The following ALG12 variants were observed in gnomAD, a reference collection of about 807,000 sequenced individuals.
ALG12 encodes the protein dol-P-Man:Man(7)GlcNAc(2)-PP-Dol alpha-1,6-mannosyltransferase.
In ALG12, 36 loss-of-function variants were observed where a neutral mutation model predicts 46.0. The ratio of observed to expected loss-of-function variants is 0.78; its 90% confidence interval spans 0.60 to 1.03. ALG12 has a LOEUF of 1.03. ALG12 is among the 50% of genes least tolerant of loss of function. The probability of loss-of-function intolerance (pLI) is 0.00; values close to 1 mark genes in which losing one functional copy is unlikely to be tolerated. For synonymous variants in ALG12, 326 were observed against 291.6 expected (o/e 1.12, Z -1.20); for missense variants, 599 against 633.5 (o/e 0.95, Z 0.58).
In ALG12 at chr22:49,900,526, T is replaced by C. The variant is rs2060499617; in HGVS notation, c.*3312A>G. On this transcript the variant is annotated 3_prime_UTR_variant, in exon 10 of 10. Transcript: ENST00000330817. ...TGGAGAAGCCGACCCAAGGAACTCA[T>C]GAGCACAGTGCTTGACGGCACCCGC... The C allele has an allele frequency of 6.6e-6, 1 of 152,252 alleles. No individual in the cohort carries two copies. The highest frequency in any genetic ancestry group is 2.4e-5 in the African/African-American group (1 of 41,456). 9.4% of individuals were successfully genotyped at this position (152,252 alleles called of 1,614,324 possible).
the ALG12 span, chr22:49,886,923 G>C: frequency 1.1e-5 from 18 of 1,614,002 alleles, no homozygotes; most frequent in Middle Eastern, 1.6e-4. This position sits in a 1 kb window ranked among gnomAD's most constrained non-coding sequence, Gnocchi z 7.7. Flanking sequence ...TGGTGCTTGC[G>C]TATCTGGAGG....
the ALG12 span, chr22:49,889,467 T>G: frequency 6.0e-6 from 1 of 167,080 alleles, no homozygotes; most frequent in African/African-American, 2.4e-5. Context: ...ATGGGGTTTT[T>G]TTTGTTTGTT....
chr22:49,887,243 C>A, the ALG12 span: 2 of 1,510,880 alleles, frequency 1.3e-6, no homozygotes, highest in Non-Finnish European at 1.8e-6. Context: ...TGTACCAGGT[C>A]TATGACCCGC....
chr22:49,884,284 C>T, the ALG12 span: 4 of 1,612,558 alleles, frequency 2.5e-6, no homozygotes, highest in South Asian at 2.2e-5. Context: ...ACCCATCAAA[C>T]TTGTCCAGAA....
At chr22:49,904,745 T>C (rs2147581016) in intron 7 of ALG12, among the ~76,000 whole-genome samples, 1 of 152,248 alleles carries the variant, frequency 6.6e-6, no homozygotes, top group African/African-American at 2.4e-5. Context: ...TTTTAAAATA[T>C]ATATATATTT....
chr22:49,883,639 C>G, the ALG12 span: 73 of 1,511,498 alleles, frequency 4.8e-5, 1 homozygote, highest in South Asian at 1.5e-4. Flanking sequence ...ACCTAAGATA[C>G]AGCCGGAGTA....
At chr22:49,887,352 C>A in the ALG12 span, 1 of 569,568 alleles carries the variant, frequency 1.8e-6, no homozygotes, top group Non-Finnish European at 3.0e-6. Context: ...CTCCTTCAGG[C>A]CAAGTTTCGC....
the ALG12 span, among the ~76,000 whole-genome samples, chr22:49,870,102 T>C: frequency 6.6e-5 from 10 of 152,206 alleles, no homozygotes; most frequent in African/African-American, 1.9e-4. Flanking sequence ...CTGTGTTTGT[T>C]CACTTAGGAT....
chr22:49,869,121 CAAAAA>C, the ALG12 span, among the ~76,000 whole-genome samples: 5 of 93,406 alleles, frequency 5.4e-5, no homozygotes, highest in African/African-American at 1.3e-4. Context: ...AAAACTGTCT[CAAAAA>C]AAAAAAAAAA....
At chr22:49,863,550 C>T in the ALG12 span, among the ~76,000 whole-genome samples, 4 of 151,236 alleles carry the variant, frequency 2.6e-5, no homozygotes, top group Admixed American at 2.6e-4. Flanking sequence ...TTGCTTGAAC[C>T]GGGGAGGCGG....
Position 49,904,684 on chromosome 22 carries a change from G to A in ALG12, c.993-178C>T. 4.5e-6 allele frequency: 3 copies of A among 672,022 alleles called. No individual in the cohort carries two copies. The South Asian group carries it at 5.3e-5, about 12-fold the overall frequency. 41.6% of individuals were successfully genotyped at this position (672,022 alleles called of 1,614,324 possible). ...AAAAGTGGTTAAGATACTGCCTCAA[G>A]AATTGTCTGTGAAATTCTACCCAAG... On this transcript the variant is annotated intron_variant, in intron 7 of 9. Coordinates refer to ENST00000330817, the MANE Select transcript of ALG12 (RefSeq NM_024105.4).
chr22:49,863,287 A>G, the ALG12 span, among the ~76,000 whole-genome samples: 1 of 152,130 alleles, frequency 6.6e-6, no homozygotes, highest in Non-Finnish European at 1.5e-5. Context: ...AGCCTCCCTA[A>G]TAACTGGGAC....
Position 49,909,243 on chromosome 22 carries a change from C to T in ALG12, c.768+1G>A, listed in dbSNP as rs188399257. 11 of 1,613,416 alleles carry T rather than the reference C, an allele frequency of 6.8e-6. No homozygotes were observed. The Admixed American group carries it at 1.8e-4, about 27-fold the overall frequency. On this transcript the variant is annotated splice_donor_variant, in intron 6 of 9. Coordinates refer to ENST00000330817, the MANE Select transcript of ALG12 (RefSeq NM_024105.4). LOFTEE classifies it high-confidence loss of function. ...CCTCCTGCACGGACACTGAAGGATA[C>T]CCCCCAGTTGGAGCTTTTGTTCAGG...
the ALG12 span, among the ~76,000 whole-genome samples, chr22:49,878,866 C>T: frequency 6.6e-6 from 1 of 151,852 alleles, no homozygotes; most frequent in Non-Finnish European, 1.5e-5. Flanking sequence ...GGGAGTGGGC[C>T]AGGCGTGGTG....
chr22:49,871,346 T>A, the ALG12 span, among the ~76,000 whole-genome samples: 2 of 151,912 alleles, frequency 1.3e-5, no homozygotes, highest in African/African-American at 4.8e-5. Flanking sequence ...ATTAGCTGGG[T>A]GTGGTGGCAC....
the ALG12 span, among the ~76,000 whole-genome samples, chr22:49,890,344 T>C: frequency 6.6e-6 from 1 of 152,156 alleles, no homozygotes; most frequent in Non-Finnish European, 1.5e-5. Flanking sequence ...AAACAACATT[T>C]TTATTTCTCA....
intron 1 of ALG12, among the ~76,000 whole-genome samples, chr22:49,914,686 C>G (rs2060599956): frequency 6.6e-6 from 1 of 152,200 alleles, no homozygotes; most frequent in South Asian, 2.1e-4. Flanking sequence ...CCAGAAGGGC[C>G]AGAAGCAAAG....
intron 4 of ALG12, 108 bp from the exon 5 acceptor site, chr22:49,910,196 A>G: frequency 7.4e-7 from 1 of 1,349,582 alleles, no homozygotes; most frequent in Middle Eastern, 2.6e-4. Flanking sequence ...AAAGCCACAC[A>G]AATATCCCAG....
At chr22:49,883,640 A>T in the ALG12 span, 2 of 1,517,654 alleles carry the variant, frequency 1.3e-6, no homozygotes, top group Non-Finnish European at 1.8e-6. Flanking sequence ...CCTAAGATAC[A>T]GCCGGAGTAG....
Sources: gnomAD v4.1 joint callset for allele counts (sites outside exome capture counted in the v4.1 genomes callset) on GRCh38, gnomAD v4.1.1 for gene constraint, Gnocchi (gnomAD v3.1) non-coding constraint, MANE v1.5 for transcripts, NCBI Gene and HGNC (gene_info 2026-07-23, HGNC 2026-07-21) for gene names.